Variants in SORL1-AS1 observed in about 807,000 individuals in gnomAD.
SORL1-AS1 encodes the protein SORL1 antisense RNA 1.
At chr11:121,445,484 C>T (rs1332923822), downstream of SORL1-AS1, among the ~76,000 whole-genome samples, 1 of 152,182 alleles carries the variant, frequency 6.6e-6, no homozygotes, top group African/African-American at 2.4e-5. Context: ...CACAGCTCTC[C>T]TTTGGTGTCT....
the SORL1-AS1 span, among the ~76,000 whole-genome samples, chr11:121,441,262 G>A: frequency 6.6e-6 from 1 of 151,798 alleles, no homozygotes; most frequent in Admixed American, 6.6e-5. Context: ...TGTGGCTCAC[G>A]CCTGTAATCC....
At chr11:121,449,509 G>A (rs1406021182) in exon 2 of SORL1-AS1, 1 of 152,132 alleles carries the variant, frequency 6.6e-6, no homozygotes, top group Non-Finnish European at 1.5e-5. Flanking sequence ...GAGTGGTCAG[G>A]GCTGAAAGGT....
the SORL1-AS1 span, among the ~76,000 whole-genome samples, chr11:121,440,398 T>C: frequency 6.6e-6 from 1 of 151,806 alleles, no homozygotes; most frequent in Non-Finnish European, 1.5e-5. Flanking sequence ...AACAAACAAA[T>C]AAAGAACTCC....
At chr11:121,448,552 G>C (rs1591537957) in exon 2 of SORL1-AS1, 1 of 152,154 alleles carries the variant, frequency 6.6e-6, no homozygotes, top group East Asian at 1.9e-4. Flanking sequence ...GGCCTGCTTT[G>C]GGGGAGAAAA....
downstream of SORL1-AS1, among the ~76,000 whole-genome samples, chr11:121,445,271 A>G (rs1317006811): frequency 6.6e-6 from 1 of 152,220 alleles, no homozygotes; most frequent in East Asian, 1.9e-4. Flanking sequence ...GATTATATGC[A>G]TGATACACAG....
intron 1 of SORL1-AS1, among the ~76,000 whole-genome samples, chr11:121,451,611 G>A (rs1284192805): frequency 6.6e-6 from 1 of 152,208 alleles, no homozygotes; most frequent in East Asian, 1.9e-4. Flanking sequence ...TGTTTTTACT[G>A]CCTCTGTGCA....
At position 121,452,866 on chromosome 11, in the gene SORL1-AS1, T is replaced by C. The variant is rs1371491816; in HGVS notation, n.148A>G. 9.6e-6 allele frequency: 4 copies of C among 417,958 alleles called. No individual in the cohort carries two copies. Among genetic ancestry groups the C allele is most frequent in the Non-Finnish European group, 1.7e-5 (4 of 236,480 alleles). 25.9% of individuals were successfully genotyped at this position (417,958 alleles called of 1,614,324 possible). A position where few individuals can be genotyped will look rare whatever the true frequency, so the allele number is the denominator to read the frequency against. The stretch of plus-strand genomic sequence containing the variant: ...GTGCAGTGCGTATTACCCCAGGGTG[T>C]GTGCAGAGAGATGTAGTTTCCGGCA... On this transcript the variant is annotated non_coding_transcript_exon_variant, in exon 1 of 2. Coordinates refer to ENST00000501964, the Ensembl canonical transcript of SORL1-AS1. The surrounding 1 kb of genome is among the most constrained non-coding windows in gnomAD (Gnocchi z 5.3).
chr11:121,444,477 C>T (rs1301070674), downstream of SORL1-AS1, among the ~76,000 whole-genome samples: 2 of 152,188 alleles, frequency 1.3e-5, no homozygotes, highest in Non-Finnish European at 2.9e-5. Context: ...GGGTCTCTGG[C>T]AGAGCCGGAT....
exon 2 of SORL1-AS1, chr11:121,448,913 G>A (rs1220750409): frequency 1.3e-5 from 2 of 152,248 alleles, no homozygotes; most frequent in East Asian, 3.8e-4. Flanking sequence ...TCTGAAACCT[G>A]AAGGCTGAAT....
In SORL1-AS1 at chr11:121,452,592, C is replaced by A; in HGVS notation, n.339+83G>T. On this transcript the variant is annotated intron_variant and non_coding_transcript_variant, in intron 1 of 1. Transcript: ENST00000501964. The surrounding 1 kb of genome is among the most constrained non-coding windows in gnomAD (Gnocchi z 5.3). ...GGAAACGGAGCGCTGCCCTGCAGCC[C>A]GAGCCCATCAAGGTGTACGGACAGG... is the stretch of plus-strand genomic sequence containing the variant. 1.3e-6 allele frequency: 2 copies of A among 1,521,482 alleles called. No individual in the cohort carries two copies. The highest frequency in any genetic ancestry group is 1.8e-6 in the Non-Finnish European group (2 of 1,142,202). The allele number at this position is 1,521,482 out of a possible 1,614,324, so 94.2% of individuals were successfully genotyped here. A position where few individuals can be genotyped will look rare whatever the true frequency, so the allele number is the denominator to read the frequency against.
At chr11:121,445,527 G>A (rs542134990), downstream of SORL1-AS1, among the ~76,000 whole-genome samples, 1 of 152,154 alleles carries the variant, frequency 6.6e-6, no homozygotes, top group Admixed American at 6.5e-5. Context: ...TCCCATAGCA[G>A]GCACCACCCC....
At chr11:121,446,115 G>A (rs1860718910), downstream of SORL1-AS1, among the ~76,000 whole-genome samples, 1 of 152,130 alleles carries the variant, frequency 6.6e-6, no homozygotes, top group Non-Finnish European at 1.5e-5. Flanking sequence ...GGGGGTGGGG[G>A]TAATTCTCTC....
chr11:121,452,493 C>A lies in SORL1-AS1; in HGVS notation n.339+182G>T. ...GGGGCTTCCTCGTGGTGCAGGGCGA[C>A]CCGCGCGAGCTGCGGCTGTGGGCGC... On this transcript the variant is annotated intron_variant and non_coding_transcript_variant, in intron 1 of 1. Coordinates refer to ENST00000501964, the Ensembl canonical transcript of SORL1-AS1. The surrounding 1 kb of genome is among the most constrained non-coding windows in gnomAD (Gnocchi z 5.3). 6.7e-7 allele frequency: 1 copy of A among 1,484,466 alleles called. No homozygotes were observed. The highest frequency in any genetic ancestry group is 8.9e-7 in the Non-Finnish European group (1 of 1,119,922). 92.0% of individuals were successfully genotyped at this position (1,484,466 alleles called of 1,614,324 possible). A position where few individuals can be genotyped will look rare whatever the true frequency, so the allele number is the denominator to read the frequency against.
chr11:121,452,469 G>C lies in SORL1-AS1; in HGVS notation n.339+206C>G. The C allele has an allele frequency of 6.6e-7, 1 of 1,506,446 alleles. No individual in the cohort carries two copies. The highest frequency in any genetic ancestry group is 8.9e-7 in the Non-Finnish European group (1 of 1,128,630). The allele number at this position is 1,506,446 out of a possible 1,614,324, so 93.3% of individuals were successfully genotyped here. On this transcript the variant is annotated intron_variant and non_coding_transcript_variant, in intron 1 of 1. Coordinates refer to ENST00000501964, the Ensembl canonical transcript of SORL1-AS1. The surrounding 1 kb of genome is among the most constrained non-coding windows in gnomAD (Gnocchi z 5.3). ...GCAGCGCGCCCTTGCCCCAGGACCG[G>C]GGCTTCCTCGTGGTGCAGGGCGACC... is the stretch of plus-strand genomic sequence containing the variant.
the SORL1-AS1 span, among the ~76,000 whole-genome samples, chr11:121,441,688 G>A: frequency 1.3e-5 from 2 of 152,130 alleles, no homozygotes; most frequent in Non-Finnish European, 1.5e-5. Context: ...GTGGCTTGAG[G>A]ATGTTCTGGT....
At chr11:121,445,989 G>C (rs1438440042), downstream of SORL1-AS1, among the ~76,000 whole-genome samples, 1 of 152,132 alleles carries the variant, frequency 6.6e-6, no homozygotes, top group Non-Finnish European at 1.5e-5. Context: ...CAGGCCCTCA[G>C]AGGCCTCTCT....
chr11:121,443,130 C>T (rs1023786714), downstream of SORL1-AS1, among the ~76,000 whole-genome samples: 1 of 152,094 alleles, frequency 6.6e-6, no homozygotes, highest in Non-Finnish European at 1.5e-5. Flanking sequence ...TAATGACAGC[C>T]CGTTTCTAAT....
chr11:121,447,629 C>T (rs1015441605), exon 2 of SORL1-AS1: 1 of 152,070 alleles, frequency 6.6e-6, no homozygotes, highest in Non-Finnish European at 1.5e-5. Flanking sequence ...CCTTCTAAAA[C>T]TTGCGCTCTC....
chr11:121,443,919 A>G (rs1160631924), downstream of SORL1-AS1, among the ~76,000 whole-genome samples: 2 of 152,254 alleles, frequency 1.3e-5, no homozygotes, highest in Admixed American at 1.3e-4. Context: ...TTAAAGGGAA[A>G]CTGTTCCCTG....
Sources: gnomAD v4.1 joint callset for allele counts (sites outside exome capture counted in the v4.1 genomes callset) on GRCh38, gnomAD v4.1.1 for gene constraint, Gnocchi (gnomAD v3.1) non-coding constraint, MANE v1.5 for transcripts, NCBI Gene and HGNC (gene_info 2026-07-23, HGNC 2026-07-21) for gene names.